Variants in URB2 observed in about 807,000 individuals in gnomAD.
The protein encoded by URB2 is URB2 ribosome biogenesis homolog.
URB2 carries 86 observed loss-of-function variants against 120.9 expected under a neutral mutation model. That is an observed-to-expected ratio of 0.71 (90% CI 0.60 to 0.85). The LOEUF (loss-of-function observed/expected upper bound fraction) is 0.85. Among genes scored for constraint, URB2 ranks in the 40% least tolerant of loss-of-function variants. URB2 has a pLI of 0.00. For missense variants in URB2, 1,765 were observed against 1,836.5 expected, an observed-to-expected ratio of 0.96 and a Z score of 0.71; for synonymous variants, 755 against 758.4, an observed-to-expected ratio of 1.00 and a Z score of 0.07.
intron 5 of URB2, among the ~76,000 whole-genome samples, chr1:229,645,383 C>T (rs78796116): frequency 0.014 from 2,171 of 152,254 alleles, 29 homozygotes; most frequent in Non-Finnish European, 0.021. Context: ...ATATTGCCCT[C>T]ATGTCAGCAT....
chr1:229,636,216 A>G lies in URB2; in HGVS notation c.1603A>G (p.Met535Val), dbSNP rs1665809715. 6.2e-7 allele frequency: 1 copy of G among 1,613,150 alleles called. No homozygotes were observed. Among genetic ancestry groups the G allele is most frequent in the South Asian group, 1.1e-5 (1 of 91,046 alleles). Reference sequence around the variant, plus strand: ...GCCCTATTTGCAGAGTGATGCCGACATGGCCCTGAAATCACTGTCACTGAG... The same window carrying G: ...GCCCTATTTGCAGAGTGATGCCGACGTGGCCCTGAAATCACTGTCACTGAG... ...VLPYLQSDAD[M>V]ALKSLSLSLL... The change falls in exon 4 of 10, where the codon ATG (methionine) becomes GTG (valine). Residue 535 changes from methionine to valine, a missense_variant. Transcript: ENST00000258243.
In URB2 at chr1:229,639,259, G is replaced by A. The variant is rs141624336; in HGVS notation, c.3634+1012G>A. 1.5e-3 allele frequency among the ~76,000 whole-genome samples: 224 copies of A among 151,924 alleles called. 1 individual carries two copies. Among genetic ancestry groups the A allele is most frequent in the African/African-American group, 5.1e-3 (213 of 41,410 alleles). ...TGCAGTGAGTCTTGATCCTGCCATT[G>A]TACTCCAGCCTGGGTGACACAGTGA... On this transcript the variant is annotated intron_variant, in intron 4 of 9. Coordinates refer to ENST00000258243, the MANE Select transcript of URB2 (RefSeq NM_014777.4).
intron 4 of URB2, among the ~76,000 whole-genome samples, 164 bp downstream of exon 4, chr1:229,638,411 C>T (rs573364005): frequency 1.3e-5 from 2 of 151,808 alleles, no homozygotes; most frequent in African/African-American, 4.8e-5. Flanking sequence ...TTTGGGAGGC[C>T]GAGGCGGGCG....
At chr1:229,649,507 T>C (rs568869893) in intron 7 of URB2, among the ~76,000 whole-genome samples, 143 of 152,320 alleles carry the variant, frequency 9.4e-4, no homozygotes, top group Non-Finnish European at 1.8e-3. Context: ...TTTAGTGGAA[T>C]TAGATCATTT....
At chr1:229,626,540 A>G (rs1571862746) in intron 1 of URB2, among the ~76,000 whole-genome samples, 184 bp downstream of exon 1, 1 of 152,370 alleles carries the variant, frequency 6.6e-6, no homozygotes, top group East Asian at 1.9e-4. Flanking sequence ...GGCACGCTCC[A>G]TTCGCGAAGG....
At chr1:229,627,837 G>A (rs984498698) in intron 2 of URB2, 78 bp downstream of exon 2, 15 of 1,453,202 alleles carry the variant, frequency 1.0e-5, no homozygotes, top group South Asian at 1.5e-5. Flanking sequence ...ATTGACAATT[G>A]GTTAAAATAA....
In URB2 at chr1:229,654,277, A is replaced by G. The variant is rs371246509; in HGVS notation, c.4266A>G (p.Leu1422=). ...GCATAGATGACCTGCCTACGGTCCT[A>G]AAGTGTGCACGCCTGGTTGAAAGAA... is the stretch of plus-strand genomic sequence containing the variant. ...KGSIDDLPTV[L]KCARLVERMY... is the part of the protein sequence containing the mutation. The change falls in exon 9 of 10, where the codon CTA becomes CTG. Residue 1422 remains leucine, a synonymous_variant. Coordinates refer to ENST00000258243, the MANE Select transcript of URB2 (RefSeq NM_014777.4). 3.3e-5 allele frequency: 53 copies of G among 1,614,032 alleles called. No homozygotes were observed. The highest frequency in any genetic ancestry group is 1.6e-4 in the Middle Eastern group (1 of 6,084).
At chr1:229,652,049 G>A (rs1666288903) in intron 8 of URB2, among the ~76,000 whole-genome samples, 1 of 152,016 alleles carries the variant, frequency 6.6e-6, no homozygotes, top group Admixed American at 6.6e-5. Context: ...GGGCGTGATG[G>A]TGGACTCCTG....
intron 5 of URB2, among the ~76,000 whole-genome samples, chr1:229,645,280 G>A (rs1371252928): frequency 1.6e-5 from 2 of 122,108 alleles, no homozygotes; most frequent in Non-Finnish European, 1.8e-5. Flanking sequence ...AGCGAGACTC[G>A]GTCTCGAAAA....
intron 8 of URB2, among the ~76,000 whole-genome samples, chr1:229,652,988 A>G (rs1666317571): frequency 6.6e-6 from 1 of 152,294 alleles, no homozygotes; most frequent in Admixed American, 6.5e-5. Context: ...TATCTCTTTT[A>G]TTGGTATCTA....
At chr1:229,628,347 G>T (rs1323469409) in intron 2 of URB2, among the ~76,000 whole-genome samples, 1 of 146,528 alleles carries the variant, frequency 6.8e-6, no homozygotes, top group Non-Finnish European at 1.5e-5. Flanking sequence ...CTTGAGCCCA[G>T]GAGTTTGAGG....
rs527634397 is a variant in URB2 at position 229,647,517 on chromosome 1, A to G, written c.3914A>G (p.Asn1305Ser). 6.2e-7 allele frequency: 1 copy of G among 1,613,076 alleles called. No homozygotes were observed. Among genetic ancestry groups the G allele is most frequent in the East Asian group, 2.2e-5 (1 of 44,830 alleles). The part of the protein sequence containing the change: ...PQIVTALTLL[N>S]REASQEQPVS... ...TTTTATTTTGCCCTTTAGCTCTTAA[A>G]CCGAGAAGCTTCTCAGGAGCAGCCT... The change falls in exon 7 of 10, where the codon AAC (asparagine) becomes AGC (serine). Residue 1305 changes from asparagine to serine, a missense_variant. Coordinates refer to ENST00000258243, the MANE Select transcript of URB2 (RefSeq NM_014777.4).
At chr1:229,645,369 G>C (rs1156670337) in intron 5 of URB2, among the ~76,000 whole-genome samples, 1 of 152,026 alleles carries the variant, frequency 6.6e-6, no homozygotes, top group Admixed American at 6.5e-5. Context: ...GACCCGATTG[G>C]GTCATATTGC....
At position 229,635,891 on chromosome 1, in the gene URB2, C is replaced by T. The variant is rs1421537778; in HGVS notation, c.1278C>T (p.Asp426=). The stretch of plus-strand genomic sequence containing the variant: ...TGAATCATTTGATTTTGGAGCCAGA[C>T]CTGGATGACCTGCTGGCTTCAGCGT... ...ISLNHLILEP[D]LDDLLASAWI... is the part of the protein sequence containing the mutation. Residue 426 remains aspartate, a synonymous_variant, in exon 4 of 10, where the codon GAC becomes GAT. Transcript: ENST00000258243. 1.9e-6 allele frequency: 3 copies of T among 1,614,220 alleles called. No individual in the cohort carries two copies. The highest frequency in any genetic ancestry group is 1.1e-5 in the South Asian group (1 of 91,088).
chr1:229,627,367 G>T (rs957381900), intron 1 of URB2, among the ~76,000 whole-genome samples: 2 of 152,180 alleles, frequency 1.3e-5, no homozygotes, highest in Non-Finnish European at 2.9e-5. Flanking sequence ...ATCATAGCTG[G>T]AATACATATA....
At chr1:229,638,602 C>T (rs967546943) in intron 4 of URB2, among the ~76,000 whole-genome samples, 4 of 151,234 alleles carry the variant, frequency 2.6e-5, no homozygotes, top group Non-Finnish European at 2.9e-5. Context: ...GCCAAGATCG[C>T]GCCACTGCAC....
chr1:229,659,411 A>G lies in URB2; in HGVS notation c.*114A>G. On this transcript the variant is annotated 3_prime_UTR_variant, in exon 10 of 10. Coordinates refer to ENST00000258243, the MANE Select transcript of URB2 (RefSeq NM_014777.4). ...GTTCTAATTCGTAGTATTGGTATAC[A>G]TAGAAAATCCTTTGGGGTTTATGTA... 2 of 1,148,328 alleles carry G rather than the reference A, an allele frequency of 1.7e-6. No individual in the cohort carries two copies. The highest frequency in any genetic ancestry group is 2.5e-6 in the Non-Finnish European group (2 of 812,598). The allele number at this position is 1,148,328 out of a possible 1,614,324, so 71.1% of individuals were successfully genotyped here.
chr1:229,652,294 T>G (rs1260717050), intron 8 of URB2, among the ~76,000 whole-genome samples: 1 of 152,198 alleles, frequency 6.6e-6, no homozygotes, highest in Non-Finnish European at 1.5e-5. Flanking sequence ...TGCTAAGCAG[T>G]AGGTCAGGGT....
In URB2 at chr1:229,637,202, T is replaced by C. The variant is rs1665863039; in HGVS notation, c.2589T>C (p.Gly863=). ...ENRFAKAGPE[G]IEPRGEIAQN... is the part of the protein sequence containing the mutation. Reference sequence around the variant, plus strand: ...GATTTGCAAAAGCTGGACCCGAAGGTATAGAACCTAGAGGAGAAATTGCCC... The same window carrying C: ...GATTTGCAAAAGCTGGACCCGAAGGCATAGAACCTAGAGGAGAAATTGCCC... The change falls in exon 4 of 10, where the codon GGT becomes GGC. Residue 863 remains glycine, a synonymous_variant. Transcript: ENST00000258243. The C allele has an allele frequency of 6.2e-7, 1 of 1,613,774 alleles. No individual in the cohort carries two copies. Among genetic ancestry groups the C allele is most frequent in the Non-Finnish European group, 8.5e-7 (1 of 1,179,800 alleles).
Sources: allele counts gnomAD v4.1 joint callset (sites outside exome capture counted in the v4.1 genomes callset), GRCh38; gene constraint gnomAD v4.1.1; transcripts MANE v1.5; gene names NCBI Gene and HGNC (gene_info 2026-07-23, HGNC 2026-07-21).